The following NHLRC2 variants were observed in gnomAD, a reference collection of about 807,000 sequenced individuals.
NHLRC2 encodes NHL repeat-containing protein 2.
In NHLRC2, 33 loss-of-function variants were observed where a neutral mutation model predicts 68.1. The observed-to-expected ratio is 0.48, with a 90% confidence interval of 0.37 to 0.65. The LOEUF is 0.65. Ranked by LOEUF, NHLRC2 falls within the 30% of genes least tolerant of loss-of-function variation. The pLI is 0.00. For missense variants in NHLRC2, 761 were observed against 853.8 expected (o/e 0.89, Z 1.35); for synonymous variants, 311 against 309.6 (o/e 1.00, Z -0.05).
In NHLRC2 at chr10:113,914,066, G is replaced by A. The variant is rs748104017; in HGVS notation, c.*5530G>A. The A allele has an allele frequency of 6.6e-6, 1 of 152,254 alleles. No homozygotes were observed. The highest frequency in any genetic ancestry group is 1.5e-5 in the Non-Finnish European group (1 of 68,158). 9.4% of individuals were successfully genotyped at this position (152,254 alleles called of 1,614,324 possible). ...AACAGGGTTTCTGTTGGCCAGGTTG[G>A]TCTCGAACTCCTGACCTCATGTGAT... On this transcript the variant is annotated 3_prime_UTR_variant, in exon 11 of 11. Transcript: ENST00000369301.
At position 113,857,983 on chromosome 10, in the gene NHLRC2, C is replaced by T. The variant is rs77244878; in HGVS notation, c.179-545C>T. On this transcript the variant is annotated intron_variant, in intron 1 of 10. Coordinates refer to ENST00000369301, the MANE Select transcript of NHLRC2 (RefSeq NM_198514.4). Reference sequence around the variant, plus strand: ...TATTCTTAAGCTTGACCTTTATTCTCAGTAGCCCATTTGTATCTAATTGTT... The same window carrying T: ...TATTCTTAAGCTTGACCTTTATTCTTAGTAGCCCATTTGTATCTAATTGTT... Among the ~76,000 whole-genome samples, 533 of 150,726 alleles carry T rather than the reference C, an allele frequency of 3.5e-3. 3 individuals are homozygous for T. Among genetic ancestry groups the T allele is most frequent in the African/African-American group, 0.012 (490 of 41,122 alleles).
intron 1 of NHLRC2, among the ~76,000 whole-genome samples, chr10:113,856,018 T>A (rs1228206966): frequency 3.9e-5 from 6 of 152,182 alleles, no homozygotes; most frequent in Admixed American, 3.3e-4. Flanking sequence ...GTTTCTTAGC[T>A]GTACTGTGCT....
In NHLRC2 at chr10:113,911,032, A is replaced by G. The variant is rs926081461; in HGVS notation, c.*2496A>G. ...TTTAAAACTTGTTGATCCATATTCT[A>G]TAAGGACTAATGCATATTTTTTATC... is the stretch of plus-strand genomic sequence containing the variant. On this transcript the variant is annotated 3_prime_UTR_variant, in exon 11 of 11. Transcript: ENST00000369301. 1 of 152,210 alleles carries G rather than the reference A, an allele frequency of 6.6e-6. No individual in the cohort carries two copies. Among genetic ancestry groups the G allele is most frequent in the Non-Finnish European group, 1.5e-5 (1 of 68,000 alleles). The allele number at this position is 152,210 out of a possible 1,614,324, so 9.4% of individuals were successfully genotyped here.
chr10:113,903,793 C>A, intron 9 of NHLRC2, 57 bp downstream of exon 9: 1 of 1,000,624 alleles, frequency 1.0e-6, no homozygotes, highest in Non-Finnish European at 1.6e-6. Flanking sequence ...ATACTAAGAT[C>A]CTCACAGCAC....
At chr10:113,873,844 A>G (rs1486899999) in intron 2 of NHLRC2, among the ~76,000 whole-genome samples, 2 of 151,982 alleles carry the variant, frequency 1.3e-5, no homozygotes, top group African/African-American at 2.4e-5. Context: ...GAGGAGATCT[A>G]CAACCCTTAT....
chr10:113,855,760 A>G lies in NHLRC2; in HGVS notation c.178+710A>G, dbSNP rs1165060008. The stretch of plus-strand genomic sequence containing the variant: ...GTGATCCTCCCGCCTCCGTTTCCCA[A>G]AGTGCTGGGATTACAGGCGTGAGCC... On this transcript the variant is annotated intron_variant, in intron 1 of 10. Coordinates refer to ENST00000369301, the MANE Select transcript of NHLRC2 (RefSeq NM_198514.4). Among the ~76,000 whole-genome samples, 6 of 152,080 alleles carry G rather than the reference A, an allele frequency of 3.9e-5. No individual in the cohort carries two copies. In the East Asian group the frequency reaches 1.2e-3, roughly 29 times the overall value.
chr10:113,865,289 C>T (rs575453035), intron 2 of NHLRC2, among the ~76,000 whole-genome samples: 16 of 139,846 alleles, frequency 1.1e-4, no homozygotes, highest in African/African-American at 3.9e-4. Context: ...CATCCCCCCC[C>T]CCCGTTCCTC....
At chr10:113,905,957 G>A (rs1369867938) in intron 10 of NHLRC2, among the ~76,000 whole-genome samples, 1 of 152,112 alleles carries the variant, frequency 6.6e-6, no homozygotes, top group Non-Finnish European at 1.5e-5. Context: ...CTTCCCACAA[G>A]GGGGAAGGCT....
chr10:113,856,502 G>A (rs1460292000), intron 1 of NHLRC2, among the ~76,000 whole-genome samples: 1 of 152,168 alleles, frequency 6.6e-6, no homozygotes, highest in African/African-American at 2.4e-5. Flanking sequence ...TTAAAAGATT[G>A]TTTACATCTA....
chr10:113,855,311 A>G (rs2134680286), intron 1 of NHLRC2, among the ~76,000 whole-genome samples: 1 of 152,302 alleles, frequency 6.6e-6, no homozygotes, highest in East Asian at 1.9e-4. Flanking sequence ...GATATTAGCC[A>G]AGTGGACACT....
rs1041815635 is a variant in NHLRC2 at position 113,911,845 on chromosome 10, A to G, written c.*3309A>G. On this transcript the variant is annotated 3_prime_UTR_variant, in exon 11 of 11. Coordinates refer to ENST00000369301, the MANE Select transcript of NHLRC2 (RefSeq NM_198514.4). ...AATAGTTCTTGTGAATGAAGGAATT[A>G]TGGATGTTTTTATTTTAATTCTACT... is the stretch of plus-strand genomic sequence containing the variant. 1 of 152,050 alleles carries G rather than the reference A, an allele frequency of 6.6e-6. No individual in the cohort carries two copies. The highest frequency in any genetic ancestry group is 1.5e-5 in the Non-Finnish European group (1 of 67,986). 9.4% of individuals were successfully genotyped at this position (152,050 alleles called of 1,614,324 possible). A position where few individuals can be genotyped will look rare whatever the true frequency, so the allele number is the denominator to read the frequency against.
chr10:113,916,452 A>G lies in NHLRC2; in HGVS notation c.*7916A>G, dbSNP rs1275065686. The G allele has an allele frequency of 6.6e-6, 1 of 152,210 alleles. No homozygotes were observed. The highest frequency in any genetic ancestry group is 1.5e-5 in the Non-Finnish European group (1 of 68,028). 9.4% of individuals were successfully genotyped at this position (152,210 alleles called of 1,614,324 possible). On this transcript the variant is annotated 3_prime_UTR_variant, in exon 11 of 11. Coordinates refer to ENST00000369301, the MANE Select transcript of NHLRC2 (RefSeq NM_198514.4). ...TTCTTAATAATAGCTCAGTTTTTAA[A>G]GGAGGGGAACAATACCCCATGAGTT...
intron 5 of NHLRC2, among the ~76,000 whole-genome samples, chr10:113,891,849 G>A (rs2134725276): frequency 6.6e-6 from 1 of 152,248 alleles, no homozygotes; most frequent in Non-Finnish European, 1.5e-5. Flanking sequence ...AAAGGATGTG[G>A]GGAGCTTTTT....
chr10:113,858,914 A>T, intron 2 of NHLRC2: 1 of 347,170 alleles, frequency 2.9e-6, no homozygotes, highest in East Asian at 4.4e-5. Context: ...TTCTCTGCGG[A>T]TAGGGGCATA....
rs190926172 is a variant in NHLRC2 at position 113,868,532 on chromosome 10, A to G, written c.332-7989A>G. ...AGATCTCCTATTTGGACAATATGATATGGTTTATTATACAGATTTATAAAT... is the reference window on the plus strand; with the variant it reads ...AGATCTCCTATTTGGACAATATGATGTGGTTTATTATACAGATTTATAAAT... On this transcript the variant is annotated intron_variant, in intron 2 of 10. Coordinates refer to ENST00000369301, the MANE Select transcript of NHLRC2 (RefSeq NM_198514.4). 8.5e-4 allele frequency among the ~76,000 whole-genome samples: 129 copies of G among 152,350 alleles called. 2 individuals are homozygous for G. The highest frequency in any genetic ancestry group is 2.6e-3 in the African/African-American group (108 of 41,592).
At chr10:113,877,093 T>C in intron 3 of NHLRC2, 117 bp downstream of exon 3, 3 of 586,556 alleles carry the variant, frequency 5.1e-6, no homozygotes, top group African/African-American at 1.9e-5. Flanking sequence ...GTGATATACA[T>C]TGACTTAATT....
chr10:113,902,494 T>C lies in NHLRC2; in HGVS notation c.1395T>C (p.Val465=), dbSNP rs919859408. The C allele has an allele frequency of 1.9e-6, 3 of 1,582,154 alleles. No homozygotes were observed. The African/African-American group carries it at 4.1e-5, about 22-fold the overall frequency. Residue 465 remains valine (V), a synonymous_variant, in exon 8 of 11, where the codon GTT becomes GTC. Transcript: ENST00000369301. ...DPMNLFAFGD[V]DGVGINAKLQ... ...AGAATTTATTTGCTTTTGGTGATGTTGATGGAGTAGGAATCAATGCAAAGC... is the reference window on the plus strand; with the variant it reads ...AGAATTTATTTGCTTTTGGTGATGTCGATGGAGTAGGAATCAATGCAAAGC...
At chr10:113,903,820 G>A (rs1443192450) in intron 9 of NHLRC2, 84 bp downstream of exon 9, 1 of 801,168 alleles carries the variant, frequency 1.2e-6, no homozygotes, top group Non-Finnish European at 2.2e-6. Flanking sequence ...AGGCATTTTT[G>A]GTTAGACCAT....
intron 5 of NHLRC2, among the ~76,000 whole-genome samples, chr10:113,889,418 T>A (rs1320824426): frequency 6.6e-6 from 1 of 152,168 alleles, no homozygotes; most frequent in Non-Finnish European, 1.5e-5. Flanking sequence ...TTTAAAAAAA[T>A]CAGATGACAC....
Sources: allele counts gnomAD v4.1 joint callset (sites outside exome capture counted in the v4.1 genomes callset), GRCh38; gene constraint gnomAD v4.1.1; transcripts MANE v1.5; gene names NCBI Gene and HGNC (gene_info 2026-07-23, HGNC 2026-07-21).